The following DIS3L2 variants were observed in gnomAD, a reference collection of about 807,000 sequenced individuals.
The protein encoded by DIS3L2 is DIS3-like exonuclease 2.
Under a neutral mutation model 97.5 loss-of-function variants are expected in DIS3L2, and 34 were observed. The observed-to-expected ratio is 0.35, with a 90% confidence interval of 0.27 to 0.46. DIS3L2 has a LOEUF of 0.46. DIS3L2 is among the 20% of genes least tolerant of loss of function. The pLI, the probability that DIS3L2 is intolerant of heterozygous loss-of-function variation, is 1.00. For missense variants in DIS3L2, 1,038 were observed against 1,146.0 expected (o/e 0.91, Z 1.36); for synonymous variants, 435 against 445.2 (o/e 0.98, Z 0.29).
intron 12 of DIS3L2, chr2:232,260,378 A>C (rs1329625000): frequency 6.6e-6 from 1 of 152,228 alleles, no homozygotes; most frequent in South Asian, 2.1e-4. Context: ...GGCTGAGCCT[A>C]AAAGGGGCTC....
chr2:232,326,252 G>A (rs1431424291), intron 14 of DIS3L2, among the ~76,000 whole-genome samples: 1 of 152,160 alleles, frequency 6.6e-6, no homozygotes, highest in African/African-American at 2.4e-5. Context: ...TGGAGCCTGT[G>A]CTGGCCGCAG....
intron 6 of DIS3L2, among the ~76,000 whole-genome samples, chr2:232,117,722 C>G (rs188573658): frequency 2.6e-5 from 4 of 152,324 alleles, no homozygotes; most frequent in African/African-American, 9.6e-5. Flanking sequence ...TGAGCACTCC[C>G]TTTCCTCTTC....
At chr2:232,258,893 C>T (rs896248015) in intron 12 of DIS3L2, among the ~76,000 whole-genome samples, 6 of 152,282 alleles carry the variant, frequency 3.9e-5, no homozygotes, top group Admixed American at 1.3e-4. Context: ...CTGTGTCAGA[C>T]GACAACAGAC....
chr2:232,256,158 C>CAATG, intron 12 of DIS3L2, among the ~76,000 whole-genome samples: 1 of 152,246 alleles, frequency 6.6e-6, no homozygotes, highest in East Asian at 1.9e-4. Context: ...CGCCCCCTTA[C>CAATG]AATGGTAACT....
At chr2:232,310,628 GA>G (rs1695099749) in intron 14 of DIS3L2, among the ~76,000 whole-genome samples, 2 of 152,234 alleles carry the variant, frequency 1.3e-5, no homozygotes, top group East Asian at 3.8e-4. Context: ...AAGAGGGTAT[GA>G]ACACTCCCAT....
chr2:232,273,683 C>T lies in DIS3L2; in HGVS notation c.1659+10243C>T, dbSNP rs139655438. Among the ~76,000 whole-genome samples the T allele has an allele frequency of 1.2e-3, 188 of 152,290 alleles. 2 individuals carry two copies. Among genetic ancestry groups the T allele is most frequent in the Non-Finnish European group, 5.6e-4 (38 of 68,022 alleles). On this transcript the variant is annotated intron_variant, in intron 13 of 20. Transcript: ENST00000325385. ...TGCTTCTGAGGCATCCTGAGCACTT[C>T]GGTGCTCACTTCTCAGACCAACTGT...
chr2:232,195,787 T>C (rs1217200954), intron 9 of DIS3L2, among the ~76,000 whole-genome samples: 2 of 152,124 alleles, frequency 1.3e-5, no homozygotes, highest in Non-Finnish European at 2.9e-5. Flanking sequence ...ATAATAATGT[T>C]ATCCATAGGA....
At chr2:232,008,381 CA>C in intron 1 of DIS3L2, among the ~76,000 whole-genome samples, 2 of 151,944 alleles carry the variant, frequency 1.3e-5, no homozygotes, top group Middle Eastern at 6.8e-3. Flanking sequence ...GGAATTTGTC[CA>C]TTTTTTTTCT....
At chr2:232,119,653 A>G (rs927896799) in intron 6 of DIS3L2, among the ~76,000 whole-genome samples, 2 of 152,206 alleles carry the variant, frequency 1.3e-5, no homozygotes, top group African/African-American at 4.8e-5. Flanking sequence ...GTGCTCAGGG[A>G]AAAGCAGAAG....
intron 5 of DIS3L2, among the ~76,000 whole-genome samples, chr2:232,058,422 G>GTGGA: frequency 6.6e-6 from 1 of 152,172 alleles, no homozygotes; most frequent in Admixed American, 6.5e-5. Context: ...TTTGATCTGG[G>GTGGA]TGGAGGGTAC....
chr2:232,289,349 T>C (rs1375557446), intron 13 of DIS3L2, among the ~76,000 whole-genome samples: 1 of 151,782 alleles, frequency 6.6e-6, no homozygotes, highest in Non-Finnish European at 1.5e-5. Context: ...CTTGGCTCAC[T>C]GCAACCTCCG....
intron 5 of DIS3L2, among the ~76,000 whole-genome samples, chr2:232,068,409 T>TAAAAA (rs5839428): frequency 7.4e-6 from 1 of 134,896 alleles, no homozygotes; most frequent in Non-Finnish European, 1.6e-5. Context: ...CTATTGCTAC[T>TAAAAA]AAAAAAAAAA....
At position 232,105,904 on chromosome 2, in the gene DIS3L2, T is replaced by C. The variant is rs913503954; in HGVS notation, c.601+18183T>C. Among the ~76,000 whole-genome samples, 3 of 152,192 alleles carry C rather than the reference T, an allele frequency of 2.0e-5. No individual in the cohort carries two copies. The East Asian group carries it at 5.8e-4, about 29-fold the overall frequency. ...ATGGCTTTTCCGGCACCTTTTCCAA[T>C]ATGGTGTTCCTGACTCTCTTGCTTG... On this transcript the variant is annotated intron_variant, in intron 6 of 20. Coordinates refer to ENST00000325385, the MANE Select transcript of DIS3L2 (RefSeq NM_152383.5).
At chr2:232,270,908 C>CTCTCTCTGTCTCG in intron 13 of DIS3L2, among the ~76,000 whole-genome samples, 1 of 130,656 alleles carries the variant, frequency 7.7e-6, no homozygotes, top group African/African-American at 2.8e-5. Context: ...CTCTCTCTCT[C>CTCTCTCTGTCTCG]TCTCTCTGTC....
chr2:231,978,877 A>G (rs1008574721), intron 1 of DIS3L2: 1 of 152,270 alleles, frequency 6.6e-6, no homozygotes, highest in Non-Finnish European at 1.5e-5. Context: ...TTTACATACA[A>G]TTAAATTAGA....
rs533770448 is a variant in DIS3L2 at position 232,327,846 on chromosome 2, C to T, written c.1740-1967C>T. On this transcript the variant is annotated intron_variant, in intron 14 of 20. Transcript: ENST00000325385. ...TGCGTCCTGAGGGCTTTCAATGCAT[C>T]AGGCAGAGGGCCTGCCAGTGCAGAA... 6.6e-5 allele frequency among the ~76,000 whole-genome samples: 10 copies of T among 152,330 alleles called. No homozygotes were observed. The East Asian group carries it at 1.7e-3, about 26-fold the overall frequency.
At chr2:232,139,188 A>G (rs954809478) in intron 8 of DIS3L2, among the ~76,000 whole-genome samples, 10 of 152,202 alleles carry the variant, frequency 6.6e-5, no homozygotes, top group African/African-American at 2.4e-4. Context: ...AGGAAGTCTC[A>G]TGAGAAAATC....
intron 5 of DIS3L2, among the ~76,000 whole-genome samples, chr2:232,055,145 G>T (rs1451201173): frequency 6.6e-6 from 1 of 152,172 alleles, no homozygotes; most frequent in Non-Finnish European, 1.5e-5. Context: ...AGCTAATGTT[G>T]AAACAGTGAA....
At chr2:232,340,486 A>G (rs1376958539), downstream of DIS3L2, among the ~76,000 whole-genome samples, 1 of 152,164 alleles carries the variant, frequency 6.6e-6, no homozygotes, top group Non-Finnish European at 1.5e-5. Context: ...TCGGCCCTGG[A>G]GAGCCATCTC....
Sources: gnomAD v4.1 joint callset for allele counts (sites outside exome capture counted in the v4.1 genomes callset) on GRCh38, gnomAD v4.1.1 for gene constraint, MANE v1.5 for transcripts, NCBI Gene and HGNC (gene_info 2026-07-23, HGNC 2026-07-21) for gene names.